PHLPP1: variants seen among roughly 807,000 people sequenced by gnomAD.
PHLPP1 encodes PH domain and leucine rich repeat protein phosphatase 1, also known as PH domain leucine-rich repeat-containing protein phosphatase 1.
A neutral mutation model predicts 117.2 loss-of-function variants in PHLPP1; 42 were observed. The observed-to-expected ratio is 0.36, with a 90% CI of 0.28 to 0.46. PHLPP1 has a LOEUF of 0.46. Among genes scored for constraint, PHLPP1 ranks in the 20% least tolerant of loss-of-function variants. PHLPP1 has a pLI of 1.00. For missense variants in PHLPP1, 2,084 were observed against 2,241.9 expected (o/e 0.93, Z 1.42); for synonymous variants, 1,042 against 970.7 (o/e 1.07, Z -1.37).
At chr18:62,939,185 G>T (rs1033098354) in intron 10 of PHLPP1, among the ~76,000 whole-genome samples, 2 of 151,534 alleles carry the variant, frequency 1.3e-5, no homozygotes, top group African/African-American at 2.4e-5. Context: ...GAGGAGGGGG[G>T]TTTCACCATG....
intron 3 of PHLPP1, among the ~76,000 whole-genome samples, chr18:62,854,955 C>T (rs1419519459): frequency 1.3e-5 from 2 of 152,122 alleles, no homozygotes; most frequent in African/African-American, 4.8e-5. Flanking sequence ...CCTCGGCCTC[C>T]CATAGTGTTG....
chr18:62,733,631 ATTAC>A (rs1203206185), intron 1 of PHLPP1, among the ~76,000 whole-genome samples: 3 of 152,218 alleles, frequency 2.0e-5, no homozygotes, highest in Non-Finnish European at 4.4e-5. Context: ...GATCCCTTGA[ATTAC>A]TTACCAATTT....
intron 4 of PHLPP1, among the ~76,000 whole-genome samples, chr18:62,888,293 G>A (rs1916330223): frequency 9.1e-6 from 1 of 110,166 alleles, no homozygotes; most frequent in African/African-American, 3.8e-5. Context: ...CAAAATGTGT[G>A]TGTGTGTGTG....
At chr18:62,809,394 C>T (rs1417288468) in intron 1 of PHLPP1, among the ~76,000 whole-genome samples, 2 of 152,234 alleles carry the variant, frequency 1.3e-5, no homozygotes, top group African/African-American at 2.4e-5. Context: ...CAGATATACA[C>T]AATATAAGTA....
rs1474982117 is a variant in PHLPP1 at position 62,871,585 on chromosome 18, C to T, written c.2066+10984C>T. On this transcript the variant is annotated intron_variant, in intron 4 of 16. Coordinates refer to ENST00000262719, the MANE Select transcript of PHLPP1 (RefSeq NM_194449.4). ...TCAGGTGATCTGACTGCCTCGGCCT[C>T]CGAAAGTGCTGGGATTACAGGCGTG... Among the ~76,000 whole-genome samples the T allele has an allele frequency of 2.0e-5, 3 of 151,868 alleles. No individual in the cohort carries two copies. In the East Asian group the frequency reaches 5.8e-4, roughly 29 times the overall value.
chr18:62,866,353 T>TC (rs1472245130), intron 4 of PHLPP1, among the ~76,000 whole-genome samples: 1 of 151,906 alleles, frequency 6.6e-6, no homozygotes, highest in African/African-American at 2.4e-5. Flanking sequence ...CAAGCGATTC[T>TC]CCTGCCTCAG....
chr18:62,824,649 AAG>A (rs1282305352), intron 1 of PHLPP1, among the ~76,000 whole-genome samples: 1 of 152,206 alleles, frequency 6.6e-6, no homozygotes, highest in African/African-American at 2.4e-5. Context: ...CTGTAAAAAA[AAG>A]TGGAAGATTT....
chr18:62,914,882 C>T, intron 8 of PHLPP1, 31 bp from the exon 9 acceptor site: 11 of 1,507,512 alleles, frequency 7.3e-6, no homozygotes, highest in Non-Finnish European at 1.0e-5. Context: ...AGGACAAATT[C>T]AACCAATTAC....
intron 10 of PHLPP1, among the ~76,000 whole-genome samples, chr18:62,925,546 A>G (rs1393102415): frequency 6.6e-6 from 1 of 152,110 alleles, no homozygotes; most frequent in Non-Finnish European, 1.5e-5. Flanking sequence ...CAAAGGGACT[A>G]AAAGGGAACA....
intron 3 of PHLPP1, among the ~76,000 whole-genome samples, chr18:62,849,528 G>A (rs1045223919): frequency 6.6e-6 from 1 of 151,134 alleles, no homozygotes; most frequent in African/African-American, 2.4e-5. Flanking sequence ...AGGCATTGTG[G>A]CACATGCCTG....
intron 1 of PHLPP1, among the ~76,000 whole-genome samples, chr18:62,789,723 G>A (rs1341998951): frequency 6.6e-6 from 1 of 152,004 alleles, no homozygotes; most frequent in African/African-American, 2.4e-5. Context: ...ATGCTGTTTG[G>A]AATGCACCTT....
intron 12 of PHLPP1, among the ~76,000 whole-genome samples, chr18:62,957,777 G>A (rs1271987755): frequency 3.3e-5 from 5 of 151,424 alleles, no homozygotes; most frequent in African/African-American, 4.9e-5. Context: ...GTGCAATGGT[G>A]CGATCTCGGC....
At chr18:62,917,839 A>T (rs1347986983) in intron 9 of PHLPP1, among the ~76,000 whole-genome samples, 1 of 151,516 alleles carries the variant, frequency 6.6e-6, no homozygotes, top group Non-Finnish European at 1.5e-5. Context: ...AAAAAAAAAA[A>T]TTCAGGCAAG....
At chr18:62,866,137 C>T (rs552749996) in intron 4 of PHLPP1, among the ~76,000 whole-genome samples, 14 of 151,992 alleles carry the variant, frequency 9.2e-5, no homozygotes, top group African/African-American at 2.2e-4. Flanking sequence ...TTTAGGGAGA[C>T]GGGGGATGGG....
chr18:62,923,941 T>G (rs1476838843), intron 10 of PHLPP1, among the ~76,000 whole-genome samples: 1 of 152,224 alleles, frequency 6.6e-6, no homozygotes, highest in Non-Finnish European at 1.5e-5. Flanking sequence ...GTAGCAGACA[T>G]CTCAATGAGT....
At chr18:62,925,542 G>T (rs1335025516) in intron 10 of PHLPP1, among the ~76,000 whole-genome samples, 1 of 150,414 alleles carries the variant, frequency 6.6e-6, no homozygotes, top group Admixed American at 6.6e-5. Flanking sequence ...ATATCAAAGG[G>T]ACTAAAAGGG....
intron 3 of PHLPP1, among the ~76,000 whole-genome samples, chr18:62,848,124 C>G (rs1915226394): frequency 6.6e-6 from 1 of 152,166 alleles, no homozygotes; most frequent in Non-Finnish European, 1.5e-5. Context: ...GACATCCTTG[C>G]AGATCTCATC....
chr18:62,792,237 C>CTT (rs1413697638), intron 1 of PHLPP1, among the ~76,000 whole-genome samples: 3 of 152,184 alleles, frequency 2.0e-5, no homozygotes, highest in African/African-American at 7.2e-5. Context: ...ACAGCTGGAA[C>CTT]TTAAAGGCAG....
intron 13 of PHLPP1, among the ~76,000 whole-genome samples, chr18:62,962,539 C>T (rs973618695): frequency 3.3e-5 from 5 of 152,196 alleles, no homozygotes; most frequent in African/African-American, 9.7e-5. Context: ...GAACTCCCGA[C>T]CTCAGGTGAT....
Sources: gnomAD v4.1 joint callset for allele counts (sites outside exome capture counted in the v4.1 genomes callset) on GRCh38, gnomAD v4.1.1 for gene constraint, MANE v1.5 for transcripts, NCBI Gene and HGNC (gene_info 2026-07-23, HGNC 2026-07-21) for gene names.